The following WASF3 variants were observed in gnomAD, a reference collection of about 807,000 sequenced individuals.
The protein encoded by WASF3 is WASP family member 3, also known as actin-binding protein WASF3.
Under a neutral mutation model 46.6 loss-of-function variants are expected in WASF3, and 11 were observed. That is an observed-to-expected ratio of 0.24 (90% CI 0.15 to 0.39). The LOEUF is 0.39. WASF3 is among the 10% of genes least tolerant of loss of function. WASF3 has a pLI of 1.00. For missense variants in WASF3, 576 were observed against 669.8 expected (o/e 0.86, Z 1.55); for synonymous variants, 242 against 259.7 (o/e 0.93, Z 0.65).
chr13:26,562,282 A>G (rs1358950801), intron 1 of WASF3, among the ~76,000 whole-genome samples: 1 of 152,154 alleles, frequency 6.6e-6, no homozygotes, highest in Non-Finnish European at 1.5e-5. Context: ...GGGACTAAGA[A>G]GGATGGGGGT....
intron 2 of WASF3, chr13:26,641,489 C>T (rs752688301): frequency 1.3e-5 from 2 of 152,158 alleles, no homozygotes; most frequent in African/African-American, 2.4e-5. Flanking sequence ...GGGAAGAAAG[C>T]TTTGATTGGG....
intron 3 of WASF3, among the ~76,000 whole-genome samples, chr13:26,658,411 C>A (rs1045837992): frequency 4.6e-5 from 7 of 152,150 alleles, no homozygotes; most frequent in Non-Finnish European, 7.3e-5. Context: ...CAAATGGATT[C>A]TATAAAACAG....
chr13:26,586,612 T>C (rs1161515597), intron 1 of WASF3, among the ~76,000 whole-genome samples: 2 of 152,206 alleles, frequency 1.3e-5, no homozygotes, highest in African/African-American at 4.8e-5. Flanking sequence ...TTTGCTTTTC[T>C]ATAAGAACTT....
intron 3 of WASF3, among the ~76,000 whole-genome samples, chr13:26,656,839 T>C (rs900574207): frequency 3.3e-5 from 5 of 152,068 alleles, no homozygotes; most frequent in Non-Finnish European, 5.9e-5. Flanking sequence ...TAAAATAGAT[T>C]AGGTACAGAA....
chr13:26,612,673 G>T (rs1024123507), intron 1 of WASF3, among the ~76,000 whole-genome samples: 5 of 152,196 alleles, frequency 3.3e-5, no homozygotes, highest in Non-Finnish European at 7.3e-5. Flanking sequence ...GAATTGAGCA[G>T]TTCAGTTGAA....
chr13:26,608,454 C>T (rs1474355510), intron 1 of WASF3, among the ~76,000 whole-genome samples: 2 of 152,150 alleles, frequency 1.3e-5, no homozygotes, highest in African/African-American at 2.4e-5. Context: ...TGTCAGCTAA[C>T]GTTATTTTTG....
At chr13:26,562,213 G>C (rs1879314710) in intron 1 of WASF3, among the ~76,000 whole-genome samples, 1 of 152,188 alleles carries the variant, frequency 6.6e-6, no homozygotes, top group Admixed American at 6.5e-5. Context: ...GAGTGGTGTG[G>C]AGTGAGATCT....
At chr13:26,590,792 C>T (rs1880268101) in intron 1 of WASF3, among the ~76,000 whole-genome samples, 1 of 152,120 alleles carries the variant, frequency 6.6e-6, no homozygotes, top group South Asian at 2.1e-4. Context: ...GTGAACAAAA[C>T]CTCAAAAAAA....
chr13:26,617,121 A>G (rs944571492), intron 2 of WASF3, among the ~76,000 whole-genome samples: 16 of 152,068 alleles, frequency 1.1e-4, no homozygotes, highest in Admixed American at 9.2e-4. Context: ...ATGCATTCTC[A>G]CATCTATGTA....
At position 26,585,096 on chromosome 13, in the gene WASF3, T is replaced by TAAA. The variant is rs35542854; in HGVS notation, c.-109+27288_-109+27290dup. On this transcript the variant is annotated intron_variant, in intron 1 of 9. Coordinates refer to ENST00000335327, the MANE Select transcript of WASF3 (RefSeq NM_006646.6). ...TGGAATGCAAAAAGAAAGAAAAATG[T>TAAA]AAAAAAAAAAAAAGTGGACTGAGAT... Among the ~76,000 whole-genome samples the TAAA allele has an allele frequency of 4.7e-4, 68 of 143,578 alleles. 2 individuals are homozygous for TAAA. Among genetic ancestry groups the TAAA allele is most frequent in the Middle Eastern group, 7.1e-3 (2 of 282 alleles). The allele number at this position is 143,578 out of a possible 152,430, so 94.2% of individuals were successfully genotyped here.
chr13:26,625,521 G>A (rs558397705), intron 2 of WASF3, among the ~76,000 whole-genome samples: 180 of 152,178 alleles, frequency 1.2e-3, no homozygotes, highest in African/African-American at 4.2e-3. Context: ...GGAGAAGATG[G>A]ATGTCCCAAC....
At chr13:26,676,395 T>A (rs893815681) in intron 6 of WASF3, among the ~76,000 whole-genome samples, 154 bp from the exon 7 acceptor site, 3 of 152,246 alleles carry the variant, frequency 2.0e-5, no homozygotes, top group Non-Finnish European at 4.4e-5. Context: ...AGGAGTGCAC[T>A]GCTTTAGAGT....
chr13:26,615,732 T>C (rs1183297509), intron 2 of WASF3, among the ~76,000 whole-genome samples: 1 of 152,220 alleles, frequency 6.6e-6, no homozygotes, highest in African/African-American at 2.4e-5. Context: ...ATCAATGTAG[T>C]TGAACTGGTG....
At chr13:26,566,046 C>G (rs1202848829) in intron 1 of WASF3, among the ~76,000 whole-genome samples, 1 of 152,296 alleles carries the variant, frequency 6.6e-6, no homozygotes, top group East Asian at 1.9e-4. Flanking sequence ...ATTATGGTTA[C>G]TTTTTCTTGC....
intron 3 of WASF3, among the ~76,000 whole-genome samples, chr13:26,657,574 G>C (rs1166388128): frequency 4.6e-5 from 7 of 152,168 alleles, no homozygotes. Flanking sequence ...TCAAAAGCCT[G>C]ATTTTTCTTT....
intron 3 of WASF3, among the ~76,000 whole-genome samples, chr13:26,661,739 C>T (rs545134561): frequency 6.6e-6 from 1 of 152,330 alleles, no homozygotes; most frequent in East Asian, 1.9e-4. Context: ...CACAGGGTTC[C>T]AATTTCTCCA....
chr13:26,660,264 G>A (rs1328037108), intron 3 of WASF3, among the ~76,000 whole-genome samples: 2 of 104,176 alleles, frequency 1.9e-5, no homozygotes, highest in African/African-American at 3.7e-5. Context: ...AAAAGAAAAA[G>A]CCAAGACCTC....
intron 1 of WASF3, among the ~76,000 whole-genome samples, chr13:26,586,549 G>C (rs751392395): frequency 6.6e-6 from 1 of 152,016 alleles, no homozygotes. Flanking sequence ...TATCTGATAG[G>C]GGATGTTCTC....
intron 3 of WASF3, among the ~76,000 whole-genome samples, chr13:26,644,665 G>A (rs749810195): frequency 3.3e-5 from 5 of 152,204 alleles, no homozygotes; most frequent in African/African-American, 4.8e-5. Context: ...TTCGAACTAA[G>A]AAATGCAGTG....
Sources: allele counts gnomAD v4.1 joint callset (sites outside exome capture counted in the v4.1 genomes callset), GRCh38; gene constraint gnomAD v4.1.1; transcripts MANE v1.5; gene names NCBI Gene and HGNC (gene_info 2026-07-23, HGNC 2026-07-21).